Variants in RBFOX3 observed in about 807,000 individuals in gnomAD.
RBFOX3 encodes the protein RNA binding fox-1 homolog 3, also known as RNA binding protein fox-1 homolog 3.
A neutral mutation model predicts 48.7 loss-of-function variants in RBFOX3; 17 were observed. That is an observed-to-expected ratio of 0.35 (90% CI 0.24 to 0.52). The LOEUF is 0.52. Ranked by LOEUF, RBFOX3 falls within the 20% of genes least tolerant of loss-of-function variation. RBFOX3 has a pLI of 0.94. For synonymous variants in RBFOX3, 212 were observed against 209.5 expected (o/e 1.01, Z -0.10); for missense variants, 382 against 497.5 (o/e 0.77, Z 2.21).
At chr17:79,248,553 C>G (rs971169386) in intron 3 of RBFOX3, among the ~76,000 whole-genome samples, 3 of 152,228 alleles carry the variant, frequency 2.0e-5, no homozygotes, top group African/African-American at 7.2e-5. Context: ...CTGCACTCCC[C>G]AACCTAAGCT....
At chr17:79,091,283 G>T (rs1006107550) in intron 14 of RBFOX3, among the ~76,000 whole-genome samples, 1 of 152,232 alleles carries the variant, frequency 6.6e-6, no homozygotes, top group African/African-American at 2.4e-5. Flanking sequence ...CACTGGTGGG[G>T]AACCCACACC....
chr17:79,091,975 T>C (rs374642089), intron 14 of RBFOX3: 3 of 985,460 alleles, frequency 3.0e-6, no homozygotes. Context: ...ATGAAAAATA[T>C]TAGTTTCAGC....
intron 4 of RBFOX3, among the ~76,000 whole-genome samples, chr17:79,194,913 T>TTTTGTTTG (rs56228526): frequency 0.2 from 30,621 of 151,854 alleles, 3,448 homozygotes; most frequent in South Asian, 0.33. Context: ...GTGCCCCCAG[T>TTTTGTTTG]TTTGTTTGTT....
intron 2 of RBFOX3, among the ~76,000 whole-genome samples, chr17:79,407,012 T>C (rs192241213): frequency 6.6e-6 from 1 of 152,294 alleles, no homozygotes; most frequent in Non-Finnish European, 1.5e-5. Context: ...GCTTGTGTGT[T>C]TTTGTTTCTG....
At chr17:79,266,157 A>G (rs1473220881) in intron 3 of RBFOX3, among the ~76,000 whole-genome samples, 1 of 152,146 alleles carries the variant, frequency 6.6e-6, no homozygotes, top group Non-Finnish European at 1.5e-5. Flanking sequence ...CCCTGGTTAT[A>G]GCAGCCTGTT....
intron 1 of RBFOX3, among the ~76,000 whole-genome samples, chr17:79,533,961 T>C (rs531302942): frequency 6.6e-6 from 1 of 152,344 alleles, no homozygotes; most frequent in Non-Finnish European, 1.5e-5. Flanking sequence ...GATCATACTG[T>C]ACATTCCATT....
rs577505508 is a variant in RBFOX3 at position 79,209,099 on chromosome 17, G to A, written c.-34+26667C>T. Among the ~76,000 whole-genome samples the A allele has an allele frequency of 2.4e-4, 36 of 151,994 alleles. No homozygotes were observed. The Middle Eastern group carries it at 0.01, about 43-fold the overall frequency. ...CTCCCAAAGTGCTGGGATTACAGGC[G>A]TGAGCCACCACGCCCGGCCCCTGGC... On this transcript the variant is annotated intron_variant, in intron 4 of 14. Coordinates refer to ENST00000693108, the MANE Select transcript of RBFOX3 (RefSeq NM_001350451.2).
rs533886647 is a variant in RBFOX3 at position 79,154,616 on chromosome 17, G to A, written c.-33-38868C>T. On this transcript the variant is annotated intron_variant, in intron 4 of 14. Coordinates refer to ENST00000693108, the MANE Select transcript of RBFOX3 (RefSeq NM_001350451.2). ...TGGCTGGCTGCCCAGCCGGGCATGAGCCAGGACGAGCCAGTATTTGGCTGG... is the reference window on the plus strand; with the variant it reads ...TGGCTGGCTGCCCAGCCGGGCATGAACCAGGACGAGCCAGTATTTGGCTGG... Among the ~76,000 whole-genome samples the A allele has an allele frequency of 1.8e-3, 270 of 152,256 alleles. 1 individual carries two copies. Among genetic ancestry groups the A allele is most frequent in the South Asian group, 8.5e-3 (41 of 4,826 alleles).
At chr17:79,624,401 A>C in the RBFOX3 span, among the ~76,000 whole-genome samples, 1 of 152,044 alleles carries the variant, frequency 6.6e-6, no homozygotes, top group Non-Finnish European at 1.5e-5. Context: ...CCCTCACCCT[A>C]CTAAGTTCCA....
At chr17:79,564,405 G>A (rs943326601) in intron 1 of RBFOX3, among the ~76,000 whole-genome samples, 1 of 152,186 alleles carries the variant, frequency 6.6e-6, no homozygotes, top group Non-Finnish European at 1.5e-5. Flanking sequence ...GGTGAAGGTG[G>A]CATCTAGGGA....
At chr17:79,663,472 G>A in the RBFOX3 span, among the ~76,000 whole-genome samples, 9 of 152,266 alleles carry the variant, frequency 5.9e-5, no homozygotes, top group African/African-American at 2.2e-4. Context: ...TTTATAGGGG[G>A]TCTGACCTTG....
At chr17:79,388,850 C>T (rs1276693941) in intron 2 of RBFOX3, among the ~76,000 whole-genome samples, 1 of 152,250 alleles carries the variant, frequency 6.6e-6, no homozygotes, top group African/African-American at 2.4e-5. Context: ...TGCCCGCTAA[C>T]CACTTATCTC....
chr17:79,436,976 G>A (rs1233608072), intron 2 of RBFOX3, among the ~76,000 whole-genome samples: 4 of 152,192 alleles, frequency 2.6e-5, no homozygotes, highest in African/African-American at 4.8e-5. Context: ...TTCTGTCCTG[G>A]GAAGCACTCT....
At position 79,340,322 on chromosome 17, in the gene RBFOX3, A is replaced by AAAAAC. The variant is rs1234763088; in HGVS notation, c.-174-32499_-174-32498insGTTTT. Among the ~76,000 whole-genome samples, 1,060 of 143,782 alleles carry AAAAAC rather than the reference A, an allele frequency of 7.4e-3. 22 individuals carry two copies. The highest frequency in any genetic ancestry group is 0.012 in the Non-Finnish European group (780 of 64,872). The allele number at this position is 143,782 out of a possible 152,430, so 94.3% of individuals were successfully genotyped here. ...TCAAAAAAAAAAACAAAAAACAAAA[A>AAAAAC]CAAAACTCTCTGAGCATGATAGAAT... is the stretch of plus-strand genomic sequence containing the variant. On this transcript the variant is annotated intron_variant, in intron 2 of 14. Transcript: ENST00000693108.
At chr17:79,605,693 T>C (rs2093813262) in intron 1 of RBFOX3, among the ~76,000 whole-genome samples, 1 of 152,246 alleles carries the variant, frequency 6.6e-6, no homozygotes. Flanking sequence ...CCTCTTTCTT[T>C]TTTCTGCTGG....
At chr17:79,277,412 C>T (rs2144153988) in intron 3 of RBFOX3, among the ~76,000 whole-genome samples, 2 of 152,334 alleles carry the variant, frequency 1.3e-5, no homozygotes, top group Middle Eastern at 3.4e-3. Flanking sequence ...ATTCCAAACT[C>T]CATAAATAAT....
chr17:79,180,812 C>T (rs551275416), intron 4 of RBFOX3, among the ~76,000 whole-genome samples: 11 of 151,828 alleles, frequency 7.2e-5, no homozygotes, highest in Admixed American at 1.3e-4. Flanking sequence ...AGAACAGCCG[C>T]GGGCGAGGGA....
Position 79,590,403 on chromosome 17 carries a change from T to TA in RBFOX3, c.-320+20422dup, listed in dbSNP as rs1315844301. Among the ~76,000 whole-genome samples the TA allele has an allele frequency of 1.4e-3, 211 of 152,342 alleles. 2 individuals are homozygous for TA. The highest frequency in any genetic ancestry group is 0.014 in the Admixed American group (211 of 15,308). ...GCCCTTTGTTTAAAAGGCACATGGA[T>TA]ATTCCTGCAGAGCTGGAAACTCATT... On this transcript the variant is annotated intron_variant, in intron 1 of 14. Transcript: ENST00000693108.
In RBFOX3 at chr17:79,478,411, T is replaced by C. The variant is rs2078280626; in HGVS notation, c.-175+4043A>G. Among the ~76,000 whole-genome samples the C allele has an allele frequency of 2.6e-5, 4 of 151,866 alleles. No homozygotes were observed. The South Asian group carries it at 8.3e-4, about 32-fold the overall frequency. On this transcript the variant is annotated intron_variant, in intron 2 of 14. Coordinates refer to ENST00000693108, the MANE Select transcript of RBFOX3 (RefSeq NM_001350451.2). The stretch of plus-strand genomic sequence containing the variant: ...TGCGGCAGCTCCCGCTCCCATCTCA[T>C]CACGGCAGGCTCACACTCAGCCCCA...
Sources: gnomAD v4.1 joint callset for allele counts (sites outside exome capture counted in the v4.1 genomes callset) on GRCh38, gnomAD v4.1.1 for gene constraint, MANE v1.5 for transcripts, NCBI Gene and HGNC (gene_info 2026-07-23, HGNC 2026-07-21) for gene names.